ANXA10: variants seen among roughly 807,000 people sequenced by gnomAD.
ANXA10 encodes the protein annexin A10, also known as annexin 14.
In ANXA10, 49 loss-of-function variants were observed where a neutral mutation model predicts 53.5. The ratio of observed to expected loss-of-function variants is 0.92; its 90% CI spans 0.73 to 1.16. The LOEUF (loss-of-function observed/expected upper bound fraction) is 1.16. ANXA10 is among the 50% of genes most tolerant of loss of function. The probability of loss-of-function intolerance (pLI) is 0.00; values close to 1 mark genes in which losing one functional copy is unlikely to be tolerated. For synonymous variants in ANXA10, 131 were observed against 128.9 expected (o/e 1.02, Z -0.11); for missense variants, 393 against 394.4 (o/e 1.00, Z 0.03).
chr4:168,146,129 G>C (rs1392639350), intron 3 of ANXA10, among the ~76,000 whole-genome samples: 2 of 152,070 alleles, frequency 1.3e-5, no homozygotes, highest in African/African-American at 2.4e-5. Flanking sequence ...GGCTGGTCGT[G>C]AACTCCTGAC....
At chr4:168,130,744 A>C (rs1249866708) in intron 2 of ANXA10, among the ~76,000 whole-genome samples, 1 of 151,956 alleles carries the variant, frequency 6.6e-6, no homozygotes, top group Admixed American at 6.6e-5. Context: ...TTGTGGTCTT[A>C]GAGTTATTAA....
chr4:168,098,784 T>C (rs1017375728), intron 1 of ANXA10, among the ~76,000 whole-genome samples: 1 of 151,362 alleles, frequency 6.6e-6, no homozygotes, highest in Non-Finnish European at 1.5e-5. Context: ...GTAATTATGC[T>C]GGAAGGAACC....
At chr4:168,135,697 T>C (rs1228544531) in intron 2 of ANXA10, among the ~76,000 whole-genome samples, 1 of 152,102 alleles carries the variant, frequency 6.6e-6, no homozygotes, top group African/African-American at 2.4e-5. Flanking sequence ...GGGTGATAGG[T>C]GTTCCATGAA....
rs542260478 is a variant in ANXA10 at position 168,182,318 on chromosome 4, A to ATTTTTTTTTTTTTTT, written c.783+593_783+607dup. ...CAGTCGCACATACTTTGGAGCATTA[A>ATTTTTTTTTTTTTTT]TTTTTTTTTTTTTTTTTTTTTTTTT... On this transcript the variant is annotated intron_variant, in intron 10 of 11. Coordinates refer to ENST00000359299, the MANE Select transcript of ANXA10 (RefSeq NM_007193.5). Among the ~76,000 whole-genome samples the ATTTTTTTTTTTTTTT allele has an allele frequency of 3.2e-3, 157 of 49,754 alleles. 44 individuals carry two copies. Among genetic ancestry groups the ATTTTTTTTTTTTTTT allele is most frequent in the African/African-American group, 9.5e-3 (90 of 9,462 alleles). The allele number at this position is 49,754 out of a possible 152,430, so 32.6% of individuals were successfully genotyped here.
intron 3 of ANXA10, 70 bp downstream of exon 3, chr4:168,139,650 G>T: frequency 1.6e-6 from 2 of 1,212,440 alleles, no homozygotes; most frequent in South Asian, 2.8e-5. Context: ...ACGGATAATA[G>T]GTATTTTTTT....
intron 2 of ANXA10, among the ~76,000 whole-genome samples, chr4:168,135,315 C>A (rs1413000398): frequency 1.3e-5 from 2 of 152,188 alleles, no homozygotes; most frequent in Non-Finnish European, 2.9e-5. Context: ...CAGTTTCTAT[C>A]TTCCCAATGA....
At chr4:168,160,764 G>A (rs1449711404) in intron 3 of ANXA10, among the ~76,000 whole-genome samples, 1 of 152,126 alleles carries the variant, frequency 6.6e-6, no homozygotes, top group African/African-American at 2.4e-5. Context: ...TGACTGGGGT[G>A]AAACAATATC....
At chr4:168,186,523 G>C (rs921566663) in intron 11 of ANXA10, among the ~76,000 whole-genome samples, 4 of 152,166 alleles carry the variant, frequency 2.6e-5, no homozygotes, top group African/African-American at 9.7e-5. Flanking sequence ...GAACACCTTT[G>C]TCCCTTCTGC....
rs148188023 is a variant in ANXA10, at chr4:168,169,627, G to C, written c.480+4301G>C. ...TATCCCCTCTGTGTAGAGATGAGGA[G>C]ACTTAAGCTTAGAGAGGTTAAGTGG... On this transcript the variant is annotated intron_variant, in intron 6 of 11. Coordinates refer to ENST00000359299, the MANE Select transcript of ANXA10 (RefSeq NM_007193.5). 2.5e-3 allele frequency among the ~76,000 whole-genome samples: 380 copies of C among 152,256 alleles called. 1 individual carries two copies. The highest frequency in any genetic ancestry group is 8.5e-3 in the African/African-American group (355 of 41,552).
intron 2 of ANXA10, among the ~76,000 whole-genome samples, chr4:168,138,864 G>T (rs1301274914): frequency 1.3e-5 from 2 of 152,084 alleles, no homozygotes; most frequent in Non-Finnish European, 2.9e-5. Context: ...TATTATAAAT[G>T]GAATTGAGTT....
intron 3 of ANXA10, among the ~76,000 whole-genome samples, chr4:168,156,148 ATATATAT>A (rs1731658146): frequency 8.1e-5 from 1 of 12,380 alleles, no homozygotes; most frequent in South Asian, 2.3e-3. Context: ...TATAAAAATA[ATATATAT>A]TATATATTAT....
chr4:168,180,965 C>T (rs1732228105), intron 9 of ANXA10, among the ~76,000 whole-genome samples: 1 of 152,102 alleles, frequency 6.6e-6, no homozygotes, highest in South Asian at 2.1e-4. Context: ...TAAGAGATTT[C>T]AGGTCTACTC....
Position 168,136,607 on chromosome 4 carries a change from G to A in ANXA10, c.101-2879G>A, listed in dbSNP as rs867734840. 1.6e-4 allele frequency among the ~76,000 whole-genome samples: 25 copies of A among 152,298 alleles called. No individual in the cohort carries two copies. The Middle Eastern group carries it at 0.01, about 62-fold the overall frequency. On this transcript the variant is annotated intron_variant, in intron 2 of 11. Coordinates refer to ENST00000359299, the MANE Select transcript of ANXA10 (RefSeq NM_007193.5). Reference sequence around the variant, plus strand: ...ATATCCAGGCCACACTGATGCAAGAGGTGGGCTCCCAAGGCCTCAGGAAGC... The same window carrying A: ...ATATCCAGGCCACACTGATGCAAGAAGTGGGCTCCCAAGGCCTCAGGAAGC...
At chr4:168,113,733 A>G (rs928810796) in intron 1 of ANXA10, among the ~76,000 whole-genome samples, 4 of 152,226 alleles carry the variant, frequency 2.6e-5, no homozygotes, top group Non-Finnish European at 5.9e-5. Context: ...GTACAGGGTA[A>G]TATAAATTAT....
chr4:168,126,996 A>T (rs1731080113), intron 1 of ANXA10, among the ~76,000 whole-genome samples: 1 of 152,184 alleles, frequency 6.6e-6, no homozygotes. Context: ...TCCTGTTCTC[A>T]TTAATTAATT....
chr4:168,141,098 C>A (rs756440724), intron 3 of ANXA10, among the ~76,000 whole-genome samples: 2 of 152,142 alleles, frequency 1.3e-5, no homozygotes, highest in African/African-American at 2.4e-5. Flanking sequence ...AATTTAAAAT[C>A]TACTAAAGAA....
At position 168,092,656 on chromosome 4, in the gene ANXA10, A is replaced by G; in HGVS notation, c.-45A>G. The G allele has an allele frequency of 6.4e-7, 1 of 1,570,100 alleles. No homozygotes were observed. Among genetic ancestry groups the G allele is most frequent in the Non-Finnish European group, 8.7e-7 (1 of 1,153,354 alleles). ...CTTCACAGTGAAACAAGTTTATGCAATCGATCAAATATTTTCATCCCTGAG... is the reference window on the plus strand; with the variant it reads ...CTTCACAGTGAAACAAGTTTATGCAGTCGATCAAATATTTTCATCCCTGAG... On this transcript the variant is annotated 5_prime_UTR_variant, in exon 1 of 12. Coordinates refer to ENST00000359299, the MANE Select transcript of ANXA10 (RefSeq NM_007193.5).
intron 1 of ANXA10, among the ~76,000 whole-genome samples, chr4:168,096,612 T>C (rs1253288314): frequency 6.6e-6 from 1 of 152,050 alleles, no homozygotes; most frequent in African/African-American, 2.4e-5. Flanking sequence ...CCTTTCTGCA[T>C]AGGATCCATG....
intron 2 of ANXA10, among the ~76,000 whole-genome samples, chr4:168,133,937 G>A (rs1477020959): frequency 1.3e-5 from 2 of 150,466 alleles, no homozygotes; most frequent in African/African-American, 5.0e-5. Context: ...GGAGAAGAAG[G>A]AGAAAAACTT....
Sources: gnomAD v4.1 joint callset for allele counts (sites outside exome capture counted in the v4.1 genomes callset) on GRCh38, gnomAD v4.1.1 for gene constraint, MANE v1.5 for transcripts, NCBI Gene and HGNC (gene_info 2026-07-23, HGNC 2026-07-21) for gene names.